The following PRLR variants were observed in gnomAD, a reference collection of about 807,000 sequenced individuals.
PRLR encodes prolactin receptor, also known as hPRL receptor.
PRLR carries 13 observed loss-of-function variants against 40.2 expected under a neutral mutation model. That is an observed-to-expected ratio of 0.32 (90% CI 0.21 to 0.51). The LOEUF (loss-of-function observed/expected upper bound fraction) is 0.51. PRLR is among the 20% of genes least tolerant of loss of function. The pLI is 0.97. For synonymous variants in PRLR, 269 were observed against 278.7 expected (o/e 0.97, Z 0.35); for missense variants, 656 against 747.3 (o/e 0.88, Z 1.42).
chr5:35,137,474 G>T (rs1423481965), intron 1 of PRLR, among the ~76,000 whole-genome samples: 1 of 152,184 alleles, frequency 6.6e-6, no homozygotes, highest in Non-Finnish European at 1.5e-5. Flanking sequence ...CATGCTGGAG[G>T]CATCACCAGA....
rs1769250813 is a variant in PRLR at position 35,064,834 on chromosome 5, G to A, written c.*255C>T. The A allele has an allele frequency of 6.4e-6, 3 of 471,442 alleles. No individual in the cohort carries two copies. Among genetic ancestry groups the A allele is most frequent in the African/African-American group, 3.9e-5 (2 of 51,474 alleles). 29.2% of individuals were successfully genotyped at this position (471,442 alleles called of 1,614,324 possible). On this transcript the variant is annotated 3_prime_UTR_variant, in exon 10 of 10. Transcript: ENST00000618457. ...TTGTCCCTCAAGAATACTAAGCAGT[G>A]TGCTTTTATTTCATTGAACACATAG...
At chr5:35,083,510 CTT>C (rs1491522077) in intron 5 of PRLR, among the ~76,000 whole-genome samples, 2 of 146,798 alleles carry the variant, frequency 1.4e-5, no homozygotes, top group Non-Finnish European at 3.0e-5. Context: ...CATTTAAATT[CTT>C]TCTTTTCTTT....
rs527295439 is a variant in PRLR, at chr5:35,106,634, C to T, written c.-44+11427G>A. Among the ~76,000 whole-genome samples, 125 of 152,140 alleles carry T rather than the reference C, an allele frequency of 8.2e-4. 1 individual carries two copies. Among genetic ancestry groups the T allele is most frequent in the Admixed American group, 3.6e-3 (55 of 15,276 alleles). On this transcript the variant is annotated intron_variant, in intron 2 of 9. Coordinates refer to ENST00000618457, the MANE Select transcript of PRLR (RefSeq NM_000949.7). ...AAAGATCAAAAGAGACAAAGAAGGC[C>T]ATTACATAATGGTAAAGGGATCAAT...
intron 2 of PRLR, among the ~76,000 whole-genome samples, chr5:35,105,211 G>T (rs941325146): frequency 6.6e-6 from 1 of 152,116 alleles, no homozygotes; most frequent in African/African-American, 2.4e-5. Context: ...CACCAAAACC[G>T]CATCTGTACA....
chr5:35,054,432 T>C (rs1181332880), downstream of PRLR, among the ~76,000 whole-genome samples: 2 of 152,180 alleles, frequency 1.3e-5, no homozygotes, highest in Non-Finnish European at 2.9e-5. Flanking sequence ...AAATAGTATA[T>C]ATGTGTAAAA....
intron 2 of PRLR, among the ~76,000 whole-genome samples, chr5:35,105,765 G>A (rs921358246): frequency 6.6e-6 from 1 of 152,222 alleles, no homozygotes; most frequent in African/African-American, 2.4e-5. Flanking sequence ...GTACCTGAAA[G>A]TAACAAGGAG....
intron 2 of PRLR, among the ~76,000 whole-genome samples, chr5:35,114,707 C>T (rs1772902643): frequency 1.3e-5 from 2 of 152,134 alleles, no homozygotes; most frequent in Admixed American, 1.3e-4. Flanking sequence ...CTCTGAGTCC[C>T]TCTTGCCTCA....
At chr5:35,207,862 G>C (rs1362884575) in intron 1 of PRLR, among the ~76,000 whole-genome samples, 1 of 152,120 alleles carries the variant, frequency 6.6e-6, no homozygotes, top group Non-Finnish European at 1.5e-5. Context: ...AATCAATTTT[G>C]AAAATGAAAA....
At chr5:35,049,018 A>G in exon 9 of PRLR, 1 of 512,764 alleles carries the variant, frequency 2.0e-6, no homozygotes, top group South Asian at 1.7e-5. Flanking sequence ...AAATGCCCAT[A>G]GGAGGTGAAG....
chr5:35,167,832 TA>T (rs944883666), intron 1 of PRLR, among the ~76,000 whole-genome samples: 20 of 151,202 alleles, frequency 1.3e-4, no homozygotes, highest in African/African-American at 4.4e-4. Context: ...GAAAATGTTT[TA>T]AAAATTGTCA....
intron 1 of PRLR, among the ~76,000 whole-genome samples, chr5:35,178,457 C>T (rs181496581): frequency 2.6e-5 from 4 of 152,200 alleles, no homozygotes; most frequent in Non-Finnish European, 4.4e-5. Flanking sequence ...AATTTGTCTG[C>T]GTGTAGAGAA....
intron 1 of PRLR, among the ~76,000 whole-genome samples, chr5:35,222,261 C>T (rs1776443267): frequency 2.0e-5 from 3 of 152,030 alleles, no homozygotes; most frequent in African/African-American, 7.2e-5. Context: ...CGAGATCGCG[C>T]CACTGCACTC....
chr5:35,213,153 T>C (rs575573958), intron 1 of PRLR, among the ~76,000 whole-genome samples: 1 of 152,292 alleles, frequency 6.6e-6, no homozygotes, highest in East Asian at 1.9e-4. Flanking sequence ...AATATATCAG[T>C]GAAAAATGTC....
chr5:35,158,070 G>A (rs542118597), intron 1 of PRLR, among the ~76,000 whole-genome samples: 1 of 152,332 alleles, frequency 6.6e-6, no homozygotes, highest in East Asian at 1.9e-4. Context: ...GTCAGGTCAG[G>A]CAGGGATGTT....
intron 2 of PRLR, among the ~76,000 whole-genome samples, chr5:35,112,369 T>G (rs981639680): frequency 1.3e-5 from 2 of 152,152 alleles, no homozygotes; most frequent in African/African-American, 4.8e-5. Context: ...AAAAGGCGTT[T>G]AATAAATTCA....
chr5:35,138,426 G>T (rs1388929064), intron 1 of PRLR, among the ~76,000 whole-genome samples: 1 of 152,194 alleles, frequency 6.6e-6, no homozygotes, highest in South Asian at 2.1e-4. Flanking sequence ...GAGATGGGCA[G>T]TCAGGAAGTT....
chr5:35,168,573 A>T (rs966731121), intron 1 of PRLR, among the ~76,000 whole-genome samples: 11 of 152,152 alleles, frequency 7.2e-5, no homozygotes, highest in Admixed American at 1.3e-4. Context: ...CTAAATATTT[A>T]AAAATAAGCA....
At chr5:35,154,780 A>G (rs60065091) in intron 1 of PRLR, among the ~76,000 whole-genome samples, 2,375 of 152,330 alleles carry the variant, frequency 0.016, 76 homozygotes, top group African/African-American at 0.053. Context: ...AAAATGTGGT[A>G]CGTATACACC....
At chr5:35,077,329 CA>C (rs1770176797) in intron 5 of PRLR, among the ~76,000 whole-genome samples, 1 of 151,750 alleles carries the variant, frequency 6.6e-6, no homozygotes, top group Admixed American at 6.6e-5. Flanking sequence ...CACATAGGCT[CA>C]AAATAAAGGA....
Sources: allele counts gnomAD v4.1 joint callset (sites outside exome capture counted in the v4.1 genomes callset), GRCh38; gene constraint gnomAD v4.1.1; transcripts MANE v1.5; gene names NCBI Gene and HGNC (gene_info 2026-07-23, HGNC 2026-07-21).